Variants in BICD1 observed in about 807,000 individuals in gnomAD.
BICD1 encodes BICD cargo adaptor 1.
BICD1 carries 35 observed loss-of-function variants against 92.5 expected under a neutral mutation model. The ratio of observed to expected loss-of-function variants is 0.38; its 90% CI spans 0.29 to 0.50. The LOEUF is 0.50. Ranked by LOEUF, BICD1 falls within the 20% of genes least tolerant of loss-of-function variation. The pLI is 0.93. For synonymous variants in BICD1, 429 were observed against 465.1 expected (o/e 0.92, Z 1.00); for missense variants, 950 against 1,189.8 (o/e 0.80, Z 2.97).
intron 1 of BICD1, chr12:32,108,965 G>A (rs1161185150): frequency 1.2e-5 from 4 of 332,720 alleles, no homozygotes; most frequent in Non-Finnish European, 2.2e-5. Flanking sequence ...GAGGAAGCAG[G>A]ATGATGACTG....
intron 1 of BICD1, among the ~76,000 whole-genome samples, chr12:32,186,240 C>A (rs2121527671): frequency 6.6e-6 from 1 of 152,282 alleles, no homozygotes; most frequent in Non-Finnish European, 1.5e-5. Context: ...GAGTGGTGTA[C>A]ATTCAATAGT....
intron 5 of BICD1, among the ~76,000 whole-genome samples, chr12:32,329,208 G>T (rs1369081546): frequency 6.6e-6 from 1 of 152,054 alleles, no homozygotes; most frequent in Non-Finnish European, 1.5e-5. Flanking sequence ...GGGTTCAAGC[G>T]ATTCTCATGC....
At chr12:32,332,808 T>C (rs2136272833) in intron 5 of BICD1, 1 of 956,028 alleles carries the variant, frequency 1.0e-6, no homozygotes, top group South Asian at 4.8e-5. Context: ...AGTGACAAAA[T>C]AGAATAATAT....
At chr12:32,315,300 C>T (rs1362188270) in intron 4 of BICD1, among the ~76,000 whole-genome samples, 2 of 152,178 alleles carry the variant, frequency 1.3e-5, no homozygotes, top group African/African-American at 4.8e-5. Flanking sequence ...TATTTCTAGA[C>T]TTTCAATTCT....
At chr12:32,367,516 C>T in intron 8 of BICD1, 154 bp from the exon 9 acceptor site, 1 of 581,372 alleles carries the variant, frequency 1.7e-6, no homozygotes, top group Non-Finnish European at 2.9e-6. Flanking sequence ...CTATTGGCAT[C>T]ATTCAAGAAG....
chr12:32,119,880 C>T (rs985652525), intron 1 of BICD1, among the ~76,000 whole-genome samples: 2 of 151,880 alleles, frequency 1.3e-5, no homozygotes, highest in African/African-American at 4.8e-5. Flanking sequence ...CAAAACAAAA[C>T]AAAACAAAAA....
chr12:32,309,068 A>G (rs541143255), intron 4 of BICD1, among the ~76,000 whole-genome samples: 11 of 152,340 alleles, frequency 7.2e-5, no homozygotes, highest in African/African-American at 2.6e-4. Context: ...AAGTATATTC[A>G]TGAGAAGTAT....
chr12:32,210,577 A>T (rs897085833), intron 1 of BICD1, among the ~76,000 whole-genome samples: 2 of 152,220 alleles, frequency 1.3e-5, no homozygotes, highest in Non-Finnish European at 2.9e-5. Context: ...CTGGACTTAC[A>T]GTCACATCTA....
intron 9 of BICD1, among the ~76,000 whole-genome samples, chr12:32,372,908 G>A (rs1939793452): frequency 6.6e-6 from 1 of 152,068 alleles, no homozygotes; most frequent in Non-Finnish European, 1.5e-5. Flanking sequence ...ACTTTTCCAT[G>A]TATACTTTTT....
At chr12:32,273,108 C>T (rs1158721159) in intron 2 of BICD1, among the ~76,000 whole-genome samples, 2 of 152,156 alleles carry the variant, frequency 1.3e-5, no homozygotes. Context: ...TCACTTTTGG[C>T]TGACTTGTGT....
At chr12:32,338,693 T>C (rs542505748) in intron 7 of BICD1, 93 bp from the exon 8 acceptor site, 2 of 1,051,592 alleles carry the variant, frequency 1.9e-6, no homozygotes, top group Non-Finnish European at 2.7e-6. Flanking sequence ...TAAATGCCAG[T>C]ATAAATAATG....
rs771659185 is a variant in BICD1 at position 32,382,129 on chromosome 12, T to C, written c.*4502T>C. On this transcript the variant is annotated 3_prime_UTR_variant, in exon 10 of 10. Coordinates refer to ENST00000652176, the MANE Select transcript of BICD1 (RefSeq NM_001714.4). ...CTAAAATTAAGTTCATCTTTATTTA[T>C]ATGCGAACTTAACTGCCATAGTCCC... 1.4e-4 allele frequency: 22 copies of C among 152,156 alleles called. No individual in the cohort carries two copies. The highest frequency in any genetic ancestry group is 2.6e-4 in the Non-Finnish European group (18 of 67,970). 9.4% of individuals were successfully genotyped at this position (152,156 alleles called of 1,614,324 possible).
chr12:32,208,561 T>A (rs1337389645), intron 1 of BICD1, among the ~76,000 whole-genome samples: 1 of 152,194 alleles, frequency 6.6e-6, no homozygotes, highest in Non-Finnish European at 1.5e-5. Context: ...CTTGAGTCTG[T>A]CAGGGAGGCC....
In BICD1 at chr12:32,378,698, G is replaced by A. The variant is rs1415595027; in HGVS notation, c.*1071G>A. 1.3e-5 allele frequency: 2 copies of A among 152,004 alleles called. No homozygotes were observed. The highest frequency in any genetic ancestry group is 2.4e-5 in the African/African-American group (1 of 41,322). The allele number at this position is 152,004 out of a possible 1,614,324, so 9.4% of individuals were successfully genotyped here. A position where few individuals can be genotyped will look rare whatever the true frequency, so the allele number is the denominator to read the frequency against. On this transcript the variant is annotated 3_prime_UTR_variant, in exon 10 of 10. Coordinates refer to ENST00000652176, the MANE Select transcript of BICD1 (RefSeq NM_001714.4). Reference sequence around the variant, plus strand: ...TTAATTTACCCAGAGAGTGTTCAAAGTTTGATTAAAATTGTATGTTTTGTT... The same window carrying A: ...TTAATTTACCCAGAGAGTGTTCAAAATTTGATTAAAATTGTATGTTTTGTT...
At chr12:32,338,754 C>T (rs1216324288) in intron 7 of BICD1, 32 bp from the exon 8 acceptor site, 1 of 1,536,804 alleles carries the variant, frequency 6.5e-7, no homozygotes, top group African/African-American at 1.4e-5. Flanking sequence ...TTTTTTGTTT[C>T]CTATATGTAT....
rs1003986476 is a variant in BICD1, at chr12:32,209,777, G to T, written c.214-6470G>T. 4.7e-5 allele frequency among the ~76,000 whole-genome samples: 7 copies of T among 150,242 alleles called. No homozygotes were observed. The South Asian group carries it at 6.2e-4, about 13-fold the overall frequency. On this transcript the variant is annotated intron_variant, in intron 1 of 9. Transcript: ENST00000652176. The stretch of plus-strand genomic sequence containing the variant: ...ACTTTGTTCCAGTCTCTGCCCAAAG[G>T]TCACCTCTTCCCTGACTGCCCTTTC...
chr12:32,260,987 G>A (rs928576908), intron 2 of BICD1, among the ~76,000 whole-genome samples: 4 of 152,202 alleles, frequency 2.6e-5, no homozygotes, highest in African/African-American at 7.2e-5. Flanking sequence ...CCTTGTAGGC[G>A]AATATGCCAC....
chr12:32,142,438 AC>A (rs1942962365), intron 1 of BICD1, among the ~76,000 whole-genome samples: 21 of 28,376 alleles, frequency 7.4e-4, no homozygotes, highest in South Asian at 1.3e-3. Context: ...AAAACAAAAA[AC>A]CCCACCTATC....
chr12:32,369,725 C>T (rs1223573926), intron 9 of BICD1, among the ~76,000 whole-genome samples: 1 of 150,024 alleles, frequency 6.7e-6, no homozygotes, highest in Non-Finnish European at 1.5e-5. Context: ...GACCTCCACC[C>T]CCGACCTCTA....
Sources: gnomAD v4.1 joint callset for allele counts (sites outside exome capture counted in the v4.1 genomes callset) on GRCh38, gnomAD v4.1.1 for gene constraint, MANE v1.5 for transcripts, NCBI Gene and HGNC (gene_info 2026-07-23, HGNC 2026-07-21) for gene names.